Variants in KLHDC10 observed in about 807,000 individuals in gnomAD.
The protein encoded by KLHDC10 is kelch domain-containing protein 10.
Under a neutral mutation model 56.1 loss-of-function variants are expected in KLHDC10, and 24 were observed. The observed-to-expected ratio is 0.43, with a 90% CI of 0.31 to 0.60. The LOEUF (loss-of-function observed/expected upper bound fraction) is 0.60, where lower values mean the gene tolerates loss of function less well. KLHDC10 is among the 20% of genes least tolerant of loss of function. The pLI is 0.11. For missense variants in KLHDC10, 349 were observed against 567.0 expected (o/e 0.62, Z 3.91); for synonymous variants, 188 against 207.1 (o/e 0.91, Z 0.79).
chr7:130,112,986 A>G (rs1796121502), intron 2 of KLHDC10, among the ~76,000 whole-genome samples: 1 of 152,256 alleles, frequency 6.6e-6, no homozygotes, highest in African/African-American at 2.4e-5. Flanking sequence ...TTAAAAAAGT[A>G]AAACAGACAG....
At chr7:130,118,938 G>A (rs1479164054) in intron 3 of KLHDC10, among the ~76,000 whole-genome samples, 2 of 152,090 alleles carry the variant, frequency 1.3e-5, no homozygotes, top group East Asian at 1.9e-4. Flanking sequence ...CAGTGCTGGC[G>A]TGGTGGCTCA....
Position 130,127,487 on chromosome 7 carries a change from G to C in KLHDC10, c.979+36G>C, listed in dbSNP as rs187283662. The C allele has an allele frequency of 6.2e-3, 8,834 of 1,432,550 alleles. 45 individuals are homozygous for C. Among genetic ancestry groups the C allele is most frequent in the Non-Finnish European group, 7.2e-3 (7,306 of 1,015,194 alleles). The allele number at this position is 1,432,550 out of a possible 1,614,324, so 88.7% of individuals were successfully genotyped here. Reference sequence around the variant, plus strand: ...TAAATAACATTTTGCTTCCATTTCTGTAATTGTATCTTCTGAAAATGTCTT... The same window carrying C: ...TAAATAACATTTTGCTTCCATTTCTCTAATTGTATCTTCTGAAAATGTCTT... On this transcript the variant is annotated intron_variant, in intron 8 of 9. Transcript: ENST00000335420.
intron 2 of KLHDC10, among the ~76,000 whole-genome samples, chr7:130,115,891 A>G (rs1796160823): frequency 6.6e-6 from 1 of 152,152 alleles, no homozygotes; most frequent in Admixed American, 6.6e-5. Flanking sequence ...ATTTAAAGTC[A>G]AAATTTTACT....
intron 4 of KLHDC10, among the ~76,000 whole-genome samples, chr7:130,121,209 C>A (rs184477894): frequency 5.9e-5 from 9 of 152,182 alleles, no homozygotes; most frequent in Admixed American, 5.9e-4. Context: ...CCTCTACCCT[C>A]ACCCCCCGTG....
At chr7:130,096,643 G>A (rs1447173962) in intron 1 of KLHDC10, among the ~76,000 whole-genome samples, 1 of 152,144 alleles carries the variant, frequency 6.6e-6, no homozygotes, top group Non-Finnish European at 1.5e-5. Flanking sequence ...GATGGCATTG[G>A]TGATTATTGA....
intron 4 of KLHDC10, 118 bp from the exon 5 acceptor site, chr7:130,121,936 T>A: frequency 1.2e-6 from 1 of 833,946 alleles, no homozygotes; most frequent in Non-Finnish European, 1.8e-6. Context: ...GTCTGATACA[T>A]TAAAAGATTA....
intron 1 of KLHDC10, among the ~76,000 whole-genome samples, chr7:130,073,586 G>A: frequency 6.6e-6 from 1 of 152,220 alleles, no homozygotes; most frequent in South Asian, 2.1e-4. Context: ...GTGAGTCACA[G>A]CGCCCAGCCA....
intron 1 of KLHDC10, among the ~76,000 whole-genome samples, chr7:130,089,587 T>C (rs1469145936): frequency 6.6e-6 from 1 of 152,226 alleles, no homozygotes; most frequent in Non-Finnish European, 1.5e-5. Flanking sequence ...CACTGTTAGC[T>C]CAATGTATGC....
At chr7:130,094,425 A>G (rs906802607) in intron 1 of KLHDC10, among the ~76,000 whole-genome samples, 2 of 152,156 alleles carry the variant, frequency 1.3e-5, no homozygotes, top group African/African-American at 4.8e-5. Flanking sequence ...TAAAAAATTA[A>G]AATAATACAG....
At chr7:130,074,978 T>C (rs577863809) in intron 1 of KLHDC10, among the ~76,000 whole-genome samples, 1 of 152,300 alleles carries the variant, frequency 6.6e-6, no homozygotes, top group South Asian at 2.1e-4. Context: ...AAACAATAGT[T>C]TGTGAAACCT....
chr7:130,070,896 G>C, intron 1 of KLHDC10, 87 bp downstream of exon 1: 1 of 1,042,066 alleles, frequency 9.6e-7, no homozygotes, highest in Non-Finnish European at 1.3e-6. Context: ...CTTTTCCTTG[G>C]GAGGAGGAAA....
At chr7:130,084,843 A>T (rs759885301) in intron 1 of KLHDC10, among the ~76,000 whole-genome samples, 1 of 151,838 alleles carries the variant, frequency 6.6e-6, no homozygotes, top group African/African-American at 2.4e-5. Context: ...ATCAAATGTG[A>T]TGGAACAGAT....
chr7:130,100,936 A>G (rs1795920451), intron 2 of KLHDC10, among the ~76,000 whole-genome samples: 2 of 151,974 alleles, frequency 1.3e-5, no homozygotes, highest in South Asian at 2.1e-4. Flanking sequence ...ACTTTTCCCT[A>G]CTTCTCAGAT....
intron 2 of KLHDC10, among the ~76,000 whole-genome samples, chr7:130,107,274 AAAG>A (rs1426438194): frequency 2.0e-5 from 3 of 152,224 alleles, no homozygotes; most frequent in Non-Finnish European, 4.4e-5. Context: ...GAAAAAGAAA[AAAG>A]AAGTACACAT....
chr7:130,111,632 G>A (rs1186302324), intron 2 of KLHDC10, among the ~76,000 whole-genome samples: 1 of 152,124 alleles, frequency 6.6e-6, no homozygotes, highest in Admixed American at 6.6e-5. Context: ...GATCACTTGA[G>A]GAAGAGAGGT....
intron 1 of KLHDC10, among the ~76,000 whole-genome samples, chr7:130,077,253 G>T (rs1398733571): frequency 1.4e-5 from 2 of 147,826 alleles, no homozygotes; most frequent in Non-Finnish European, 3.0e-5. Flanking sequence ...TACTCGGGAG[G>T]CTGAGGCAGG....
intron 3 of KLHDC10, among the ~76,000 whole-genome samples, chr7:130,119,038 C>T (rs1294137103): frequency 6.8e-6 from 1 of 146,992 alleles, no homozygotes. Flanking sequence ...GTAGCAAGAC[C>T]CTGTCTCTTA....
intron 2 of KLHDC10, 30 bp downstream of exon 2, chr7:130,097,037 T>C (rs773698200): frequency 6.7e-7 from 1 of 1,493,196 alleles, no homozygotes; most frequent in Non-Finnish European, 9.2e-7. Flanking sequence ...AGATCTGTGC[T>C]TCGTATGGGT....
chr7:130,079,038 TTTTTG>T (rs796200093), intron 1 of KLHDC10, among the ~76,000 whole-genome samples: 12 of 152,030 alleles, frequency 7.9e-5, no homozygotes, highest in South Asian at 2.1e-4. Flanking sequence ...TTTTTTAAAG[TTTTTG>T]TTTTGTTTTG....
Sources: gnomAD v4.1 joint callset for allele counts (sites outside exome capture counted in the v4.1 genomes callset) on GRCh38, gnomAD v4.1.1 for gene constraint, MANE v1.5 for transcripts, NCBI Gene and HGNC (gene_info 2026-07-23, HGNC 2026-07-21) for gene names.